CPA6: variants seen among roughly 807,000 people sequenced by gnomAD.
CPA6 encodes carboxypeptidase A6, also known as carboxypeptidase B.
Under a neutral mutation model 63.3 loss-of-function variants are expected in CPA6, and 58 were observed. The observed-to-expected ratio is 0.92, with a 90% CI of 0.74 to 1.14. CPA6 has a LOEUF of 1.14. Among genes scored for constraint, CPA6 ranks in the 50% most tolerant of loss-of-function variants. The probability of loss-of-function intolerance (pLI) is 0.00; values close to 1 mark genes in which losing one functional copy is unlikely to be tolerated. For synonymous variants in CPA6, 185 were observed against 179.0 expected (o/e 1.03, Z -0.27); for missense variants, 565 against 526.6 (o/e 1.07, Z -0.71).
At chr8:67,504,375 G>A (rs1811887847) in intron 6 of CPA6, among the ~76,000 whole-genome samples, 1 of 152,158 alleles carries the variant, frequency 6.6e-6, no homozygotes, top group Non-Finnish European at 1.5e-5. Flanking sequence ...GTATGGGCTG[G>A]ACCAAGTGAC....
At chr8:67,699,998 T>C (rs1446824732) in intron 1 of CPA6, among the ~76,000 whole-genome samples, 1 of 152,358 alleles carries the variant, frequency 6.6e-6, no homozygotes, top group Non-Finnish European at 1.5e-5. Flanking sequence ...AGTTACCTAA[T>C]ATTCATTAGA....
intron 8 of CPA6, among the ~76,000 whole-genome samples, chr8:67,459,830 C>T (rs972869526): frequency 6.6e-6 from 1 of 152,108 alleles, no homozygotes; most frequent in Non-Finnish European, 1.5e-5. Flanking sequence ...AAACTATGAA[C>T]TTTGGGTAAT....
chr8:67,537,229 T>A (rs1756939981), intron 2 of CPA6, among the ~76,000 whole-genome samples: 1 of 152,142 alleles, frequency 6.6e-6, no homozygotes, highest in Non-Finnish European at 1.5e-5. Context: ...TAGAGAGGAG[T>A]CTCTCTTTTT....
chr8:67,431,861 C>T (rs1187419063), intron 9 of CPA6, among the ~76,000 whole-genome samples: 2 of 152,122 alleles, frequency 1.3e-5, no homozygotes, highest in Non-Finnish European at 2.9e-5. Context: ...CTTCCCCAGG[C>T]CCTCCACAAG....
intron 1 of CPA6, among the ~76,000 whole-genome samples, chr8:67,701,964 G>A (rs1184738861): frequency 6.6e-6 from 1 of 152,074 alleles, no homozygotes; most frequent in Non-Finnish European, 1.5e-5. Flanking sequence ...CGAACCCTAG[G>A]TTTGGGAAGA....
At chr8:67,733,335 C>T (rs1817751435) in intron 1 of CPA6, among the ~76,000 whole-genome samples, 1 of 151,158 alleles carries the variant, frequency 6.6e-6, no homozygotes, top group Non-Finnish European at 1.5e-5. Flanking sequence ...TTTTTAGCTT[C>T]TCTCAAGTGC....
intron 1 of CPA6, among the ~76,000 whole-genome samples, chr8:67,662,741 C>T (rs893604859): frequency 6.6e-5 from 10 of 151,910 alleles, no homozygotes; most frequent in African/African-American, 1.5e-4. Context: ...TATGATAAAG[C>T]GCTTTATTAT....
intron 1 of CPA6, among the ~76,000 whole-genome samples, chr8:67,729,506 A>C (rs1345754548): frequency 6.6e-6 from 1 of 152,202 alleles, no homozygotes; most frequent in Non-Finnish European, 1.5e-5. Flanking sequence ...GGACTTGAAG[A>C]ATAAGATGAA....
intron 1 of CPA6, among the ~76,000 whole-genome samples, chr8:67,719,512 T>G (rs200129184): frequency 4.6e-5 from 7 of 152,140 alleles, no homozygotes. Flanking sequence ...ACAAATGAGT[T>G]TGGACTTGAT....
At chr8:67,735,059 TATAAAA>T (rs1378961543) in intron 1 of CPA6, 1 of 152,236 alleles carries the variant, frequency 6.6e-6, no homozygotes, top group Non-Finnish European at 1.5e-5. Context: ...ATTGAAATGT[TATAAAA>T]ATACATGACG....
intron 8 of CPA6, chr8:67,483,495 C>T: frequency 4.0e-6 from 2 of 502,036 alleles, no homozygotes; most frequent in Non-Finnish European, 7.1e-6. Flanking sequence ...GACAAATATT[C>T]CTCAGTTTGC....
At chr8:67,426,329 T>C (rs1213654769) in intron 10 of CPA6, among the ~76,000 whole-genome samples, 1 of 152,240 alleles carries the variant, frequency 6.6e-6, no homozygotes, top group Admixed American at 6.5e-5. Context: ...TGACTGTGAC[T>C]CTATATGAAG....
chr8:67,579,288 C>T (rs1037238740), intron 2 of CPA6, among the ~76,000 whole-genome samples: 2 of 152,110 alleles, frequency 1.3e-5, no homozygotes, highest in Non-Finnish European at 1.5e-5. Flanking sequence ...TGGTGGGTGC[C>T]TGTAATCCCA....
At chr8:67,578,640 G>A (rs558373229) in intron 2 of CPA6, among the ~76,000 whole-genome samples, 1 of 152,090 alleles carries the variant, frequency 6.6e-6, no homozygotes, top group African/African-American at 2.4e-5. Context: ...ACTATAATGA[G>A]TTTTGAAGTT....
At chr8:67,731,913 T>A (rs1345185058) in intron 1 of CPA6, among the ~76,000 whole-genome samples, 1 of 152,190 alleles carries the variant, frequency 6.6e-6, no homozygotes, top group African/African-American at 2.4e-5. Context: ...CAATTTCAGA[T>A]GACTTCCTGT....
chr8:67,703,141 C>T (rs1348397378), intron 1 of CPA6, among the ~76,000 whole-genome samples: 2 of 152,198 alleles, frequency 1.3e-5, no homozygotes, highest in African/African-American at 4.8e-5. Flanking sequence ...TATGCCTCTC[C>T]TCCTTTGGCT....
intron 8 of CPA6, among the ~76,000 whole-genome samples, chr8:67,441,751 T>A (rs542127560): frequency 6.6e-6 from 1 of 152,026 alleles, no homozygotes; most frequent in Admixed American, 6.5e-5. Flanking sequence ...TATACAAAAG[T>A]GAATTCTAAA....
chr8:67,653,481 G>A (rs922747116), intron 1 of CPA6, among the ~76,000 whole-genome samples: 1 of 150,788 alleles, frequency 6.6e-6, no homozygotes, highest in Non-Finnish European at 1.5e-5. Flanking sequence ...TGGATTCCTA[G>A]GTATTTTATT....
At chr8:67,695,774 AGT>A (rs1168616050) in intron 1 of CPA6, among the ~76,000 whole-genome samples, 1 of 152,208 alleles carries the variant, frequency 6.6e-6, no homozygotes. Context: ...GTTTTAAATC[AGT>A]GTCCAATATA....
Sources: gnomAD v4.1 joint callset for allele counts (sites outside exome capture counted in the v4.1 genomes callset) on GRCh38, gnomAD v4.1.1 for gene constraint, MANE v1.5 for transcripts, NCBI Gene and HGNC (gene_info 2026-07-23, HGNC 2026-07-21) for gene names.